Variants in RIN3 observed in about 807,000 individuals in gnomAD.
RIN3 encodes the protein Ras and Rab interactor 3.
Under a neutral mutation model 76.3 loss-of-function variants are expected in RIN3, and 54 were observed. The ratio of observed to expected loss-of-function variants is 0.71; its 90% CI spans 0.57 to 0.89. RIN3 has a LOEUF of 0.89. Ranked by LOEUF, RIN3 falls within the 40% of genes least tolerant of loss-of-function variation. The pLI is 0.00. For synonymous variants in RIN3, 576 were observed against 564.0 expected (o/e 1.02, Z -0.30); for missense variants, 1,256 against 1,322.1 (o/e 0.95, Z 0.78).
In RIN3 at chr14:92,577,486, C is replaced by T; in HGVS notation, c.367+9C>T. ...TAAGGAAGAAAAGTCGAGTAAGTAC[C>T]CATCTTCTCTGTTTTCACTTTGACC... On this transcript the variant is annotated intron_variant, in intron 3 of 9. Transcript: ENST00000216487. 1 of 1,573,354 alleles carries T rather than the reference C, an allele frequency of 6.4e-7. No homozygotes were observed. The highest frequency in any genetic ancestry group is 1.1e-5 in the South Asian group (1 of 89,934).
At chr14:92,535,829 C>A (rs978817052) in intron 1 of RIN3, among the ~76,000 whole-genome samples, 18 of 145,698 alleles carry the variant, frequency 1.2e-4, no homozygotes, top group African/African-American at 4.6e-4. Context: ...CATGTGCCAC[C>A]ACGCCTGGCT....
At chr14:92,614,272 G>T (rs1885865568) in intron 3 of RIN3, among the ~76,000 whole-genome samples, 3 of 152,180 alleles carry the variant, frequency 2.0e-5, no homozygotes, top group Non-Finnish European at 4.4e-5. Flanking sequence ...TGGGTGACAG[G>T]CCAGTGGCCC....
chr14:92,570,592 G>A (rs1299305725), intron 2 of RIN3, among the ~76,000 whole-genome samples: 1 of 151,282 alleles, frequency 6.6e-6, no homozygotes, highest in Non-Finnish European at 1.5e-5. Context: ...AACTCTGGAG[G>A]CAAAGGTTGC....
intron 2 of RIN3, among the ~76,000 whole-genome samples, chr14:92,571,248 C>A (rs932811972): frequency 2.6e-5 from 4 of 152,184 alleles, no homozygotes; most frequent in African/African-American, 9.7e-5. Context: ...TCAGGAGTTG[C>A]CCGATTTGTG....
rs2140183722 is a variant in RIN3 at position 92,688,621 on chromosome 14, G to A, written c.*369G>A. 1 of 267,726 alleles carries A rather than the reference G, an allele frequency of 3.7e-6. No homozygotes were observed. Among genetic ancestry groups the A allele is most frequent in the Non-Finnish European group, 7.1e-6 (1 of 140,438 alleles). 16.6% of individuals were successfully genotyped at this position (267,726 alleles called of 1,614,324 possible). Reference sequence around the variant, plus strand: ...CCACCCCATCCTCGGTCTTTGCAAAGAAGGGCCCGAGCTTAGTTTCCCCAG... The same window carrying A: ...CCACCCCATCCTCGGTCTTTGCAAAAAAGGGCCCGAGCTTAGTTTCCCCAG... On this transcript the variant is annotated 3_prime_UTR_variant, in exon 10 of 10. Transcript: ENST00000216487.
chr14:92,619,718 G>A (rs7146612), intron 4 of RIN3, among the ~76,000 whole-genome samples: 5,877 of 152,122 alleles, frequency 0.039, 391 homozygotes, highest in African/African-American at 0.14. Context: ...GAGCCACCAC[G>A]CCCGGCCTCT....
chr14:92,660,314 C>T (rs541759892), intron 7 of RIN3, among the ~76,000 whole-genome samples: 9 of 152,256 alleles, frequency 5.9e-5, no homozygotes, highest in Non-Finnish European at 1.0e-4. Flanking sequence ...TGGCGTTGCT[C>T]ACATGCTGGG....
At chr14:92,569,222 C>T (rs527870485) in intron 2 of RIN3, among the ~76,000 whole-genome samples, 21 of 152,330 alleles carry the variant, frequency 1.4e-4, no homozygotes, top group Non-Finnish European at 2.5e-4. Flanking sequence ...ACATGGTGGA[C>T]AGACTCCCAG....
chr14:92,537,669 G>A, intron 1 of RIN3, among the ~76,000 whole-genome samples: 1 of 94,284 alleles, frequency 1.1e-5, no homozygotes, highest in African/African-American at 4.0e-5. Flanking sequence ...TTTGGAGACA[G>A]AGTCTTGCTC....
chr14:92,606,434 A>G (rs1450036018), intron 3 of RIN3, among the ~76,000 whole-genome samples: 9 of 152,178 alleles, frequency 5.9e-5, no homozygotes, highest in Non-Finnish European at 1.3e-4. Flanking sequence ...AGTTCCAGCT[A>G]CTTGGGAGGC....
chr14:92,660,519 C>G (rs182578127), intron 7 of RIN3, among the ~76,000 whole-genome samples: 1 of 152,160 alleles, frequency 6.6e-6, no homozygotes, highest in African/African-American at 2.4e-5. Flanking sequence ...ATGACTGAGC[C>G]ACGAGTTTCT....
intron 8 of RIN3, among the ~76,000 whole-genome samples, chr14:92,679,870 G>A (rs1888601533): frequency 6.6e-6 from 1 of 152,216 alleles, no homozygotes; most frequent in East Asian, 1.9e-4. Context: ...GCCTCTGACT[G>A]GCTGGAAACC....
At position 92,556,366 on chromosome 14, in the gene RIN3, T is replaced by C. The variant is rs111484004; in HGVS notation, c.249+411T>C. Reference sequence around the variant, plus strand: ...AAAAAAAATGGCTTTATGCTCCCTGTTTTACATATGCAAATAAGGGGCTGT... The same window carrying C: ...AAAAAAAATGGCTTTATGCTCCCTGCTTTACATATGCAAATAAGGGGCTGT... On this transcript the variant is annotated intron_variant, in intron 2 of 9. Transcript: ENST00000216487. Among the ~76,000 whole-genome samples the C allele has an allele frequency of 6.4e-4, 97 of 152,254 alleles. 1 individual carries two copies. The highest frequency in any genetic ancestry group is 2.2e-3 in the African/African-American group (91 of 41,548).
At chr14:92,601,282 T>C (rs187852467) in intron 3 of RIN3, among the ~76,000 whole-genome samples, 136 of 152,294 alleles carry the variant, frequency 8.9e-4, no homozygotes, top group African/African-American at 3.0e-3. Context: ...TTCTCTTGGG[T>C]CTAGAGCCTC....
chr14:92,594,570 A>G (rs1479015746), intron 3 of RIN3, among the ~76,000 whole-genome samples: 2 of 152,250 alleles, frequency 1.3e-5, no homozygotes, highest in East Asian at 1.9e-4. Flanking sequence ...TCTAACCAAC[A>G]TACAAAGAAG....
At position 92,648,034 on chromosome 14, in the gene RIN3, T is replaced by C. The variant is rs1404900464; in HGVS notation, c.533-3548T>C. Reference sequence around the variant, plus strand: ...CCACTAGGATTGCATGACACAGGGTTCTGTTTCTCCCCTGGCCTTGGCGTT... The same window carrying C: ...CCACTAGGATTGCATGACACAGGGTCCTGTTTCTCCCCTGGCCTTGGCGTT... On this transcript the variant is annotated intron_variant, in intron 5 of 9. Transcript: ENST00000216487. This position sits in a 1 kb window ranked among gnomAD's most constrained non-coding sequence, Gnocchi z 4.1. Among the ~76,000 whole-genome samples, 1 of 151,676 alleles carries C rather than the reference T, an allele frequency of 6.6e-6. No individual in the cohort carries two copies. Among genetic ancestry groups the C allele is most frequent in the Non-Finnish European group, 1.5e-5 (1 of 68,000 alleles).
intron 1 of RIN3, among the ~76,000 whole-genome samples, chr14:92,546,078 A>G (rs1445336093): frequency 6.6e-6 from 1 of 151,992 alleles, no homozygotes; most frequent in Non-Finnish European, 1.5e-5. Context: ...GGCACCCGCC[A>G]CCACATCTGG....
chr14:92,569,820 A>C (rs1390471901), intron 2 of RIN3, among the ~76,000 whole-genome samples: 1 of 152,140 alleles, frequency 6.6e-6, no homozygotes, highest in Non-Finnish European at 1.5e-5. Context: ...GAAAGTAACT[A>C]TCAGTAGAGT....
At chr14:92,522,448 A>C in intron 1 of RIN3, among the ~76,000 whole-genome samples, 1 of 152,190 alleles carries the variant, frequency 6.6e-6, no homozygotes, top group East Asian at 1.9e-4. Context: ...CACCCGGTGC[A>C]AGTACGTGTT....
Sources: gnomAD v4.1 joint callset for allele counts (sites outside exome capture counted in the v4.1 genomes callset) on GRCh38, gnomAD v4.1.1 for gene constraint, Gnocchi (gnomAD v3.1) non-coding constraint, MANE v1.5 for transcripts, NCBI Gene and HGNC (gene_info 2026-07-23, HGNC 2026-07-21) for gene names.